Variants in NCBP1 observed in about 807,000 individuals in gnomAD.
NCBP1 encodes nuclear cap binding protein subunit 1, also known as nuclear cap-binding protein subunit 1.
Under a neutral mutation model 111.7 loss-of-function variants are expected in NCBP1, and 16 were observed. The observed-to-expected ratio is 0.14, with a 90% CI of 0.10 to 0.22. The LOEUF (loss-of-function observed/expected upper bound fraction) is 0.22, where lower values mean the gene tolerates loss of function less well. Ranked by LOEUF, NCBP1 falls within the 10% of genes least tolerant of loss-of-function variation. The probability of loss-of-function intolerance (pLI) is 1.00; values close to 1 mark genes in which losing one functional copy is unlikely to be tolerated. For synonymous variants in NCBP1, 304 were observed against 314.3 expected (o/e 0.97, Z 0.35); for missense variants, 607 against 957.5 (o/e 0.63, Z 4.83).
At chr9:97,637,905 C>G (rs1827094095) in intron 1 of NCBP1, among the ~76,000 whole-genome samples, 1 of 152,110 alleles carries the variant, frequency 6.6e-6, no homozygotes, top group African/African-American at 2.4e-5. Flanking sequence ...TTATTAAGAT[C>G]CTTTCAGATG....
intron 7 of NCBP1, among the ~76,000 whole-genome samples, chr9:97,647,787 A>T (rs2131340890): frequency 6.6e-6 from 1 of 152,356 alleles, no homozygotes; most frequent in Admixed American, 6.5e-5. Flanking sequence ...CAGAGTTGAC[A>T]TATATTTATT....
intron 18 of NCBP1, among the ~76,000 whole-genome samples, chr9:97,664,046 G>T (rs868497065): frequency 3.9e-5 from 6 of 152,040 alleles, no homozygotes; most frequent in Middle Eastern, 3.4e-3. Flanking sequence ...AGGCATGGTG[G>T]TGCACACCTG....
chr9:97,659,499 A>G (rs1429846071), intron 15 of NCBP1, among the ~76,000 whole-genome samples: 2 of 152,088 alleles, frequency 1.3e-5, no homozygotes, highest in Non-Finnish European at 2.9e-5. Context: ...TACATTTCCT[A>G]TTTCATTATG....
chr9:97,647,701 A>G, intron 7 of NCBP1, 140 bp downstream of exon 7: 3 of 726,194 alleles, frequency 4.1e-6, no homozygotes, highest in Non-Finnish European at 6.8e-6. Flanking sequence ...TCATAGCTCA[A>G]GGTGTATGGT....
chr9:97,656,213 C>A, intron 14 of NCBP1, 128 bp downstream of exon 14: 2 of 787,290 alleles, frequency 2.5e-6, no homozygotes, highest in Non-Finnish European at 4.0e-6. Context: ...CATTTTTAAT[C>A]AAGACTTAGG....
intron 16 of NCBP1, among the ~76,000 whole-genome samples, chr9:97,661,324 A>G (rs888567666): frequency 1.3e-5 from 2 of 152,216 alleles, no homozygotes; most frequent in East Asian, 3.8e-4. Context: ...AAGGATTTTT[A>G]ACCCCTGCTT....
chr9:97,652,008 AT>A (rs111943212), intron 10 of NCBP1, among the ~76,000 whole-genome samples: 17,839 of 146,764 alleles, frequency 0.12, 2,960 homozygotes, highest in African/African-American at 0.37. Flanking sequence ...TGTTAACTGC[AT>A]TTTTTTTTTT....
intron 5 of NCBP1, 136 bp downstream of exon 5, chr9:97,645,360 C>CT: frequency 1.3e-6 from 1 of 766,736 alleles, no homozygotes; most frequent in Non-Finnish European, 2.1e-6. Flanking sequence ...GACTATCACA[C>CT]TTTAAGTTCT....
At position 97,641,578 on chromosome 9, in the gene NCBP1, A is replaced by G. The variant is rs1313574427; in HGVS notation, c.140A>G (p.Glu47Gly). The G allele has an allele frequency of 2.5e-6, 4 of 1,608,754 alleles. No homozygotes were observed. Among genetic ancestry groups the G allele is most frequent in the Non-Finnish European group, 3.4e-6 (4 of 1,176,014 alleles). ...CCTCTACAGAGTGCCTGCTCTTTGG[A>G]GAGCAACCTAGAAGGCTTGGCTGGT... ...KVGEKSACSL[E>G]SNLEGLAGVL... Residue 47 changes from glutamate to glycine, a missense_variant, in exon 3 of 23, where the codon GAG (glutamate) becomes GGG (glycine). Transcript: ENST00000375147.
At chr9:97,645,490 A>G in intron 5 of NCBP1, 121 bp from the exon 6 acceptor site, 1 of 1,066,624 alleles carries the variant, frequency 9.4e-7, no homozygotes, top group Non-Finnish European at 1.3e-6. Context: ...CTCTGTATAA[A>G]CCAGATGTCT....
intron 20 of NCBP1, 45 bp from the exon 21 acceptor site, chr9:97,668,801 T>C: frequency 1.3e-6 from 2 of 1,594,576 alleles, no homozygotes; most frequent in Non-Finnish European, 1.7e-6. Context: ...TTTAACACAC[T>C]GGAATCTAAA....
At chr9:97,644,421 G>A (rs957211993) in intron 4 of NCBP1, among the ~76,000 whole-genome samples, 1 of 152,088 alleles carries the variant, frequency 6.6e-6, no homozygotes, top group Non-Finnish European at 1.5e-5. Context: ...TTATGACCTA[G>A]CCTAATTGTT....
chr9:97,642,335 T>C (rs1457889674), intron 3 of NCBP1, among the ~76,000 whole-genome samples: 1 of 152,090 alleles, frequency 6.6e-6, no homozygotes, highest in Non-Finnish European at 1.5e-5. Context: ...TTTTAATTTT[T>C]GGTTTTGGGA....
intron 1 of NCBP1, among the ~76,000 whole-genome samples, chr9:97,636,245 C>T (rs953901893): frequency 6.6e-6 from 1 of 151,934 alleles, no homozygotes; most frequent in African/African-American, 2.4e-5. Flanking sequence ...GGATGCTTTC[C>T]TTTTAGTTAA....
At chr9:97,647,032 A>G (rs1315203109) in intron 6 of NCBP1, among the ~76,000 whole-genome samples, 1 of 151,160 alleles carries the variant, frequency 6.6e-6, no homozygotes, top group Admixed American at 6.6e-5. Context: ...AGGGTATTTC[A>G]CTTTTTAATG....
At chr9:97,661,943 G>T in intron 16 of NCBP1, 99 bp from the exon 17 acceptor site, 1 of 708,642 alleles carries the variant, frequency 1.4e-6, no homozygotes, top group Non-Finnish European at 2.4e-6. Flanking sequence ...ACAAATATCT[G>T]TGTATAGATG....
At chr9:97,650,446 A>G (rs1215411316) in intron 8 of NCBP1, 57 bp from the exon 9 acceptor site, 1 of 1,285,244 alleles carries the variant, frequency 7.8e-7, no homozygotes, top group African/African-American at 1.5e-5. Flanking sequence ...TTTGTTGAAT[A>G]AGTAAAAGAA....
At chr9:97,639,959 A>G (rs61010519) in intron 1 of NCBP1, among the ~76,000 whole-genome samples, 1,533 of 152,302 alleles carry the variant, frequency 0.01, 26 homozygotes, top group African/African-American at 0.035. Context: ...GATTATTCGA[A>G]TGATATGGTT....
intron 10 of NCBP1, among the ~76,000 whole-genome samples, chr9:97,652,411 A>G (rs1002972885): frequency 2.6e-5 from 4 of 152,178 alleles, no homozygotes; most frequent in African/African-American, 9.6e-5. Context: ...TGAGCTCAGG[A>G]GTTCGAGACC....
Sources: allele counts gnomAD v4.1 joint callset (sites outside exome capture counted in the v4.1 genomes callset), GRCh38; gene constraint gnomAD v4.1.1; transcripts MANE v1.5; gene names NCBI Gene and HGNC (gene_info 2026-07-23, HGNC 2026-07-21).